EFCAB13: variants seen among roughly 807,000 people sequenced by gnomAD.
EFCAB13 encodes EF-hand calcium binding domain 13, also known as EF-hand calcium-binding domain-containing protein 13.
A neutral mutation model predicts 110.2 loss-of-function variants in EFCAB13; 91 were observed. The ratio of observed to expected loss-of-function variants is 0.83; its 90% confidence interval spans 0.70 to 0.98. The LOEUF (loss-of-function observed/expected upper bound fraction) is 0.98. Among genes scored for constraint, EFCAB13 ranks in the 50% least tolerant of loss-of-function variants. The pLI is 0.00. For synonymous variants in EFCAB13, 323 were observed against 369.9 expected (o/e 0.87, Z 1.45); for missense variants, 968 against 1,119.4 (o/e 0.86, Z 1.93).
chr17:47,341,176 T>C (rs2065382391), intron 5 of EFCAB13, among the ~76,000 whole-genome samples: 1 of 152,064 alleles, frequency 6.6e-6, no homozygotes, highest in African/African-American at 2.4e-5. Flanking sequence ...ATAAAAGGTA[T>C]AGAAGGAGAA....
At chr17:47,397,276 G>C (rs2065745436) in intron 17 of EFCAB13, among the ~76,000 whole-genome samples, 1 of 152,186 alleles carries the variant, frequency 6.6e-6, no homozygotes, top group Non-Finnish European at 1.5e-5. Flanking sequence ...GGCCTCCCGG[G>C]GTGCCGGGAT....
Position 47,361,553 on chromosome 17 carries a change from A to G in EFCAB13, c.805+32A>G, listed in dbSNP as rs374448233. 4.6e-4 allele frequency: 709 copies of G among 1,548,424 alleles called. 1 individual carries two copies. Among genetic ancestry groups the G allele is most frequent in the Middle Eastern group, 1.0e-3 (6 of 5,880 alleles). On this transcript the variant is annotated intron_variant, in intron 10 of 24. Transcript: ENST00000331493. ...TATTTGCATTGAGATATATATGTCC[A>G]TATATATGTGCATATATTTATACAT...
rs1200268049 is a variant in EFCAB13, at chr17:47,375,377, AC to A, written c.1372+413del. Among the ~76,000 whole-genome samples, 6 of 152,036 alleles carry A rather than the reference AC, an allele frequency of 3.9e-5. No individual in the cohort carries two copies. In the East Asian group the frequency reaches 1.2e-3, roughly 29 times the overall value. ...GTGATCCTAGCTCACTGCAGCCTCG[AC>A]CTTTTGTGTTCAAGTGATCCTCCCA... On this transcript the variant is annotated intron_variant, in intron 12 of 24. Transcript: ENST00000331493.
intron 24 of EFCAB13, among the ~76,000 whole-genome samples, chr17:47,438,981 C>G (rs925165203): frequency 1.3e-5 from 2 of 151,938 alleles, no homozygotes; most frequent in African/African-American, 4.8e-5. Flanking sequence ...AAGCTTCTTT[C>G]TTTTATCTCC....
At position 47,421,582 on chromosome 17, in the gene EFCAB13, G is replaced by T. The variant is rs112455602; in HGVS notation, c.2494+6663G>T. Among the ~76,000 whole-genome samples, 3 of 141,742 alleles carry T rather than the reference G, an allele frequency of 2.1e-5. No individual in the cohort carries two copies. In the Admixed American group the frequency reaches 2.2e-4, roughly 10 times the overall value. The allele number at this position is 141,742 out of a possible 152,430, so 93.0% of individuals were successfully genotyped here. A position where few individuals can be genotyped will look rare whatever the true frequency, so the allele number is the denominator to read the frequency against. ...TTCCCTCCACTATTGTCCTATGACC[G>T]TGCCAAATCCCCCTCTGCGAGAAAC... On this transcript the variant is annotated intron_variant, in intron 23 of 24. Coordinates refer to ENST00000331493, the MANE Select transcript of EFCAB13 (RefSeq NM_152347.5).
intron 6 of EFCAB13, among the ~76,000 whole-genome samples, chr17:47,343,732 C>T (rs1233941980): frequency 6.6e-6 from 1 of 152,064 alleles, no homozygotes; most frequent in Non-Finnish European, 1.5e-5. Context: ...ATAATTTACT[C>T]AATGATAGGG....
chr17:47,344,956 T>G, intron 7 of EFCAB13, 60 bp from the exon 8 acceptor site: 5 of 1,289,290 alleles, frequency 3.9e-6, no homozygotes, highest in Non-Finnish European at 5.6e-6. Flanking sequence ...TTGCTAATAT[T>G]TTAAAATGGA....
chr17:47,326,767 G>A (rs548954213), intron 3 of EFCAB13, among the ~76,000 whole-genome samples: 1 of 152,268 alleles, frequency 6.6e-6, no homozygotes, highest in Admixed American at 6.5e-5. Context: ...GACCTGCATA[G>A]ATTTCCAGTA....
intron 16 of EFCAB13, 37 bp from the exon 17 acceptor site, chr17:47,395,797 A>G: frequency 6.5e-7 from 1 of 1,547,906 alleles, no homozygotes; most frequent in Non-Finnish European, 8.7e-7. Context: ...CTTCTTGCAT[A>G]AGCATTCGTA....
chr17:47,426,625 TA>T (rs2143510685), intron 23 of EFCAB13, among the ~76,000 whole-genome samples: 1 of 152,328 alleles, frequency 6.6e-6, no homozygotes, highest in African/African-American at 2.4e-5. Flanking sequence ...ATTTAACTTA[TA>T]AATTTTGCTT....
At chr17:47,421,801 AC>A (rs1945405868) in intron 23 of EFCAB13, among the ~76,000 whole-genome samples, 1 of 152,206 alleles carries the variant, frequency 6.6e-6, no homozygotes, top group South Asian at 2.1e-4. Context: ...AACTCAACTT[AC>A]CAAAGTAGCT....
chr17:47,325,923 A>AATACATATATAT (rs2065280522), intron 2 of EFCAB13, among the ~76,000 whole-genome samples: 1 of 102,552 alleles, frequency 9.8e-6, no homozygotes, highest in Non-Finnish European at 1.9e-5. Context: ...ATATAAACAA[A>AATACATATATAT]ATATATATAT....
At chr17:47,410,010 CTT>C (rs1194516662) in intron 21 of EFCAB13, among the ~76,000 whole-genome samples, 4 of 152,056 alleles carry the variant, frequency 2.6e-5, no homozygotes, top group Admixed American at 2.6e-4. Flanking sequence ...CACTACAAGA[CTT>C]TTGCATATTC....
intron 4 of EFCAB13, among the ~76,000 whole-genome samples, chr17:47,333,105 A>G (rs540274173): frequency 1.2e-4 from 18 of 152,290 alleles, no homozygotes; most frequent in African/African-American, 4.3e-4. Context: ...TAGCTGTTCT[A>G]ACAGAATAGC....
At chr17:47,437,176 C>T (rs1181726853) in intron 24 of EFCAB13, among the ~76,000 whole-genome samples, 1 of 151,928 alleles carries the variant, frequency 6.6e-6, no homozygotes, top group Non-Finnish European at 1.5e-5. Flanking sequence ...GCTTTATGGC[C>T]TATCATATGG....
Position 47,328,256 on chromosome 17 carries a change from C to CT in EFCAB13, c.-85-6dup, listed in dbSNP as rs1327761711. Reference sequence around the variant, plus strand: ...AACAAGCGTATGATTTCTTCTTTCTCTTTTTTTGGCAGGAAATCCTTTTGT... The same window carrying CT: ...AACAAGCGTATGATTTCTTCTTTCTCTTTTTTTTGGCAGGAAATCCTTTTGT... On this transcript the variant is annotated splice_polypyrimidine_tract_variant and intron_variant, in intron 3 of 24. Coordinates refer to ENST00000331493, the MANE Select transcript of EFCAB13 (RefSeq NM_152347.5). 8.5e-6 allele frequency: 9 copies of CT among 1,063,052 alleles called. No homozygotes were observed. Among genetic ancestry groups the CT allele is most frequent in the Admixed American group, 1.9e-5 (1 of 52,290 alleles). The allele number at this position is 1,063,052 out of a possible 1,614,324, so 65.9% of individuals were successfully genotyped here.
chr17:47,340,653 A>G (rs898962904), intron 5 of EFCAB13, among the ~76,000 whole-genome samples: 2 of 151,122 alleles, frequency 1.3e-5, no homozygotes, highest in Non-Finnish European at 2.9e-5. Flanking sequence ...CCCAGGCTGG[A>G]GTGCAGTGAT....
At chr17:47,328,133 A>AT (rs1431204996) in intron 3 of EFCAB13, 136 bp from the exon 4 acceptor site, 6 of 514,974 alleles carry the variant, frequency 1.2e-5, no homozygotes, top group Non-Finnish European at 2.1e-5. Flanking sequence ...GTTTGCCCAC[A>AT]TATCTGTGTT....
At chr17:47,412,957 C>T (rs1282871623) in intron 22 of EFCAB13, 41 bp downstream of exon 22, 2 of 1,584,340 alleles carry the variant, frequency 1.3e-6, no homozygotes, top group African/African-American at 2.7e-5. Context: ...CATTTTTTTT[C>T]TACTTATGAA....
Sources: allele counts gnomAD v4.1 joint callset (sites outside exome capture counted in the v4.1 genomes callset), GRCh38; gene constraint gnomAD v4.1.1; transcripts MANE v1.5; gene names NCBI Gene and HGNC (gene_info 2026-07-23, HGNC 2026-07-21).